EIF2S3: variants seen among roughly 807,000 people sequenced by gnomAD.
The protein encoded by EIF2S3 is eukaryotic translation initiation factor 2 subunit 3.
A neutral mutation model predicts 31.7 loss-of-function variants in EIF2S3; 2 were observed. The observed-to-expected ratio is 0.06, with a 90% CI of 0.03 to 0.20. The LOEUF is 0.20. Among genes scored for constraint, EIF2S3 ranks in the 10% least tolerant of loss-of-function variants. The pLI is 1.00. For synonymous variants in EIF2S3, 120 were observed against 126.7 expected (o/e 0.95, Z 0.36); for missense variants, 96 against 359.3 (o/e 0.27, Z 5.92).
At chrX:24,062,373 C>T (rs766286435) in intron 5 of EIF2S3, 43 bp from the exon 6 acceptor site, 1 of 1,158,945 alleles carries the variant, frequency 8.6e-7, no homozygotes, top group African/African-American at 1.8e-5. Flanking sequence ...CTGGATATTT[C>T]CAGCTATTCT....
In EIF2S3 at chrX:24,057,553, G is replaced by C; in HGVS notation, c.261+5G>C. 2 of 1,207,923 alleles carry C rather than the reference G, an allele frequency of 1.7e-6. No homozygotes were observed. Among genetic ancestry groups the C allele is most frequent in the South Asian group, 1.8e-5 (1 of 56,305 alleles). ...CTTGGATATGCTAATGCTAAGGTAA[G>C]CTGTGTACTGTGGAACGAGAAACTA... On this transcript the variant is annotated splice_donor_5th_base_variant and intron_variant, in intron 3 of 11. Coordinates refer to ENST00000253039, the MANE Select transcript of EIF2S3 (RefSeq NM_001415.4).
At chrX:24,074,166 C>T (rs1930714359) in intron 11 of EIF2S3, among the ~76,000 whole-genome samples, 1 of 112,221 alleles carries the variant, frequency 8.9e-6, no homozygotes, top group African/African-American at 3.2e-5. Flanking sequence ...TTTCATGTCT[C>T]TTTGATCTTT....
chrX:24,055,117 C>G (rs1930380532), intron 1 of EIF2S3, 80 bp downstream of exon 1: 3 of 1,080,479 alleles, frequency 2.8e-6, no homozygotes, highest in Non-Finnish European at 3.8e-6. Context: ...TGGGACTAGT[C>G]AGTGTCGGGA....
Position 24,068,089 on chromosome X carries a change from T to C in EIF2S3, c.993T>C (p.Ala331=). Residue 331 remains alanine, a synonymous_variant, in exon 9 of 12, where the codon GCT becomes GCC. Coordinates refer to ENST00000253039, the MANE Select transcript of EIF2S3 (RefSeq NM_001415.4). ...CGGAGCATAATGATCTGCAATATGC[T>C]GCTCCAGGCGGTCTTATTGGTAAGG... ...LFAEHNDLQY[A]APGGLIGVGT... is the part of the protein sequence containing the mutation. The C allele has an allele frequency of 8.4e-7, 1 of 1,184,945 alleles. No individual in the cohort carries two copies. The highest frequency in any genetic ancestry group is 3.0e-5 in the East Asian group (1 of 33,228).
At chrX:24,064,020 AAAAC>A (rs1482970736) in intron 6 of EIF2S3, among the ~76,000 whole-genome samples, 177 bp from the exon 7 acceptor site, 3 of 112,168 alleles carry the variant, frequency 2.7e-5, no homozygotes, top group African/African-American at 3.2e-5. Flanking sequence ...TTCAGGAGTA[AAAAC>A]AAACAATATT....
At chrX:24,067,517 A>G (rs745489717) in intron 8 of EIF2S3, among the ~76,000 whole-genome samples, 3 of 99,007 alleles carry the variant, frequency 3.0e-5, no homozygotes, top group Admixed American at 1.1e-4. Context: ...TTTTTTAAGA[A>G]TAATGATCTT....
chrX:24,070,440 T>TTTG (rs1491341862), intron 9 of EIF2S3, among the ~76,000 whole-genome samples: 1,068 of 9,237 alleles, frequency 0.12, 32 homozygotes, highest in African/African-American at 0.26. Flanking sequence ...TCATATGTAG[T>TTTG]TTTTTTTTTT....
intron 8 of EIF2S3, among the ~76,000 whole-genome samples, chrX:24,067,640 G>T (rs1222016890): frequency 1.8e-5 from 2 of 108,445 alleles, no homozygotes; most frequent in Non-Finnish European, 3.8e-5. Flanking sequence ...ACCCAGGCTG[G>T]AGTGCAGTGG....
At chrX:24,057,866 T>C in intron 4 of EIF2S3, 112 bp downstream of exon 4, 1 of 893,132 alleles carries the variant, frequency 1.1e-6, no homozygotes, top group Non-Finnish European at 1.5e-6. Flanking sequence ...AATGGTTTTG[T>C]TGTTTTTCCA....
At chrX:24,072,864 A>G (rs1315547913) in intron 10 of EIF2S3, among the ~76,000 whole-genome samples, 5 of 111,250 alleles carry the variant, frequency 4.5e-5, no homozygotes. Context: ...TTTAAGAGGT[A>G]CTCTGGTACG....
chrX:24,066,930 ATAT>A (rs1233047711), intron 8 of EIF2S3, among the ~76,000 whole-genome samples: 2 of 112,054 alleles, frequency 1.8e-5, no homozygotes, highest in Non-Finnish European at 3.8e-5. Flanking sequence ...CTCTTTGATA[ATAT>A]TGCTTCCCTT....
chrX:24,076,809 T>C lies in EIF2S3; in HGVS notation c.*24T>C, dbSNP rs1284964911. 1 of 1,171,489 alleles carries C rather than the reference T, an allele frequency of 8.5e-7. No homozygotes were observed. Among genetic ancestry groups the C allele is most frequent in the Non-Finnish European group, 1.1e-6 (1 of 872,445 alleles). ...GAAGAATACCAGTTAAATAATACAT[T>C]CGGATGGATTTGGAAGTTGGAATTC... On this transcript the variant is annotated 3_prime_UTR_variant, in exon 12 of 12. Coordinates refer to ENST00000253039, the MANE Select transcript of EIF2S3 (RefSeq NM_001415.4).
At chrX:24,076,486 A>G (rs1455030618) in intron 11 of EIF2S3, among the ~76,000 whole-genome samples, 1 of 111,920 alleles carries the variant, frequency 8.9e-6, no homozygotes, top group Non-Finnish European at 1.9e-5. Context: ...GTGAGCCGAG[A>G]TCGTACCACC....
Position 24,071,254 on chromosome X carries a change from G to A in EIF2S3, c.1013-304G>A, listed in dbSNP as rs530158938. ...CACCCAGGTTGGAGTGCAGTGGTGC[G>A]ATCTCGGCTCACTACAACCTCTGCC... On this transcript the variant is annotated intron_variant, in intron 9 of 11. Coordinates refer to ENST00000253039, the MANE Select transcript of EIF2S3 (RefSeq NM_001415.4). 1.3e-4 allele frequency among the ~76,000 whole-genome samples: 14 copies of A among 107,865 alleles called. 1 individual carries two copies. The South Asian group carries it at 4.9e-3, about 38-fold the overall frequency. The allele number at this position is 107,865 out of a possible 115,157, so 93.7% of individuals were successfully genotyped here.
intron 5 of EIF2S3, among the ~76,000 whole-genome samples, chrX:24,061,962 G>A (rs1930499223): frequency 1.8e-5 from 2 of 111,151 alleles, no homozygotes; most frequent in African/African-American, 6.5e-5. Context: ...CACACAATTG[G>A]GAGGTTCCAG....
intron 2 of EIF2S3, among the ~76,000 whole-genome samples, chrX:24,056,588 G>T (rs912224557): frequency 2.7e-5 from 3 of 112,035 alleles, no homozygotes; most frequent in Non-Finnish European, 5.6e-5. Context: ...GCCGGGTGCA[G>T]TGGCTTATGC....
intron 10 of EIF2S3, among the ~76,000 whole-genome samples, 178 bp downstream of exon 10, chrX:24,071,905 T>C (rs4969556): frequency 0.52 from 55,474 of 106,613 alleles, 12,404 homozygotes; most frequent in Non-Finnish European, 0.68. Flanking sequence ...ATGGAGTCTC[T>C]CGCTCTGTTG....
rs1007792896 is a variant in EIF2S3, at chrX:24,057,881, T to G, written c.383+127T>G. 11 of 790,353 alleles carry G rather than the reference T, an allele frequency of 1.4e-5. No homozygotes were observed. In the Admixed American group the frequency reaches 5.0e-4, roughly 36 times the overall value. The allele number at this position is 790,353 out of a possible 1,213,427, so 65.1% of individuals were successfully genotyped here. ...AATGGTTTTGTTGTTTTTCCATTGT[T>G]TATGTTTTTATGGGAAATCTGAAAA... On this transcript the variant is annotated intron_variant, in intron 4 of 11. Coordinates refer to ENST00000253039, the MANE Select transcript of EIF2S3 (RefSeq NM_001415.4).
chrX:24,064,761 G>A (rs1930545990), intron 7 of EIF2S3, among the ~76,000 whole-genome samples: 3 of 111,596 alleles, frequency 2.7e-5, no homozygotes, highest in African/African-American at 9.8e-5. Flanking sequence ...CCCGGGAAGC[G>A]GAGGTTGCAA....
Sources: gnomAD v4.1 joint callset for allele counts (sites outside exome capture counted in the v4.1 genomes callset) on GRCh38, gnomAD v4.1.1 for gene constraint, MANE v1.5 for transcripts, NCBI Gene and HGNC (gene_info 2026-07-23, HGNC 2026-07-21) for gene names.